ITIH5: variants seen among roughly 807,000 people sequenced by gnomAD.
ITIH5 encodes inter-alpha-trypsin inhibitor heavy chain 5.
In ITIH5, 65 loss-of-function variants were observed where a neutral mutation model predicts 77.5. The observed-to-expected ratio is 0.84, with a 90% CI of 0.69 to 1.03. ITIH5 has a LOEUF of 1.03. Among genes scored for constraint, ITIH5 ranks in the 50% least tolerant of loss-of-function variants. The pLI, the probability that ITIH5 is intolerant of heterozygous loss-of-function variation, is 0.00. For synonymous variants in ITIH5, 525 were observed against 494.3 expected (o/e 1.06, Z -0.82); for missense variants, 1,208 against 1,213.1 (o/e 1.00, Z 0.06).
intron 13 of ITIH5, among the ~76,000 whole-genome samples, chr10:7,564,674 C>CG (rs1832103899): frequency 6.6e-6 from 1 of 151,672 alleles, no homozygotes; most frequent in Non-Finnish European, 1.5e-5. Context: ...AATCACCTAA[C>CG]GACCATTAGA....
intron 7 of ITIH5, among the ~76,000 whole-genome samples, chr10:7,614,462 T>C (rs1318323258): frequency 6.6e-6 from 1 of 152,158 alleles, no homozygotes; most frequent in Non-Finnish European, 1.5e-5. Context: ...TCTTAAAACA[T>C]CGTGAGATTT....
chr10:7,593,335 T>C (rs1012064462), intron 7 of ITIH5, among the ~76,000 whole-genome samples: 2 of 150,702 alleles, frequency 1.3e-5, no homozygotes, highest in African/African-American at 4.9e-5. Context: ...AGGCACTGAC[T>C]CCTACAGACT....
At chr10:7,635,702 T>C (rs1833787944) in intron 5 of ITIH5, among the ~76,000 whole-genome samples, 1 of 152,094 alleles carries the variant, frequency 6.6e-6, no homozygotes, top group African/African-American at 2.4e-5. Context: ...AACTGCATGC[T>C]GGGGGAGAAA....
intron 7 of ITIH5, among the ~76,000 whole-genome samples, chr10:7,599,073 T>C (rs1832964184): frequency 6.6e-6 from 1 of 152,254 alleles, no homozygotes; most frequent in African/African-American, 2.4e-5. Flanking sequence ...AAAAGCTCTT[T>C]GCCAATAATA....
Position 7,641,996 on chromosome 10 carries a change from G to A in ITIH5, c.230C>T (p.Ala77Val), listed in dbSNP as rs1167729456. Residue 77 changes from alanine to valine, a missense_variant, in exon 3 of 14, where the codon GCT becomes GTT. Ala to Val is a moderately conservative substitution (Grantham distance 64, BLOSUM62 0). Transcript: ENST00000397146. ...GAACTCAATGTCCTGGTCTTCAGAA[G>A]CTCTGTTCAGCATTCTGCAGGAAAC... The part of the protein sequence containing the change: ...TTVSCRMLNR[A>V]SEDQDIEFQM... 2 of 1,614,026 alleles carry A rather than the reference G, an allele frequency of 1.2e-6. No homozygotes were observed. The highest frequency in any genetic ancestry group is 1.7e-6 in the Non-Finnish European group (2 of 1,179,874).
At chr10:7,660,380 A>G (rs7094085) in intron 1 of ITIH5, among the ~76,000 whole-genome samples, 20,530 of 151,804 alleles carry the variant, frequency 0.14, 1,513 homozygotes, top group East Asian at 0.31. Context: ...CAGGTTCAAC[A>G]CAGGAACAAT....
intron 8 of ITIH5, among the ~76,000 whole-genome samples, chr10:7,583,140 T>C (rs984222699): frequency 2.0e-5 from 3 of 152,034 alleles, no homozygotes; most frequent in Non-Finnish European, 4.4e-5. Flanking sequence ...AAATTAAAAA[T>C]TAAAATTAAA....
At chr10:7,581,922 G>C (rs1365712037) in intron 8 of ITIH5, among the ~76,000 whole-genome samples, 2 of 143,124 alleles carry the variant, frequency 1.4e-5, no homozygotes, top group African/African-American at 2.6e-5. Context: ...TTCGCCCAAG[G>C]TGGAATGCAG....
rs1377527443 is a variant in ITIH5, at chr10:7,640,798, A to G, written c.357T>C (p.Gly119=). 3.7e-6 allele frequency: 6 copies of G among 1,613,182 alleles called. No individual in the cohort carries two copies. The highest frequency in any genetic ancestry group is 1.3e-5 in the African/African-American group (1 of 74,882). ...GEITEREKKS[G]DRVKEKRNKT... is the part of the protein sequence containing the mutation. ...TATTCCTTTTCTCTTTTACCCTATC[A>G]CCACTCTTCTTTTCTCTCTCTGTAA... The change falls in exon 4 of 14, where the codon GGT becomes GGC. Residue 119 remains glycine, a synonymous_variant. Coordinates refer to ENST00000397146, the MANE Select transcript of ITIH5 (RefSeq NM_030569.7).
chr10:7,587,050 G>A (rs886443612), intron 7 of ITIH5, among the ~76,000 whole-genome samples: 22 of 152,032 alleles, frequency 1.4e-4, no homozygotes, highest in Non-Finnish European at 2.6e-4. Flanking sequence ...GGGTGGTCTC[G>A]AACTCCTGAG....
At chr10:7,630,114 GT>G (rs1219602766) in intron 5 of ITIH5, among the ~76,000 whole-genome samples, 1 of 152,190 alleles carries the variant, frequency 6.6e-6, no homozygotes, top group Non-Finnish European at 1.5e-5. Context: ...CTCAACAGGT[GT>G]AGTCGTATGA....
At chr10:7,580,143 C>T (rs12250091) in intron 8 of ITIH5, 79 bp from the exon 9 acceptor site, 210,112 of 1,245,918 alleles carry the variant, frequency 0.17, 19,188 homozygotes, top group Admixed American at 0.25. Flanking sequence ...TTTTTTGAGA[C>T]GGAGTCTTGC....
At position 7,597,063 on chromosome 10, in the gene ITIH5, A is replaced by AAAAAAAAAAT. The variant is rs750714870; in HGVS notation, c.940-10995_940-10994insATTTTTTTTT. Among the ~76,000 whole-genome samples, 347 of 142,604 alleles carry AAAAAAAAAAT rather than the reference A, an allele frequency of 2.4e-3. 12 individuals carry two copies. Among genetic ancestry groups the AAAAAAAAAAT allele is most frequent in the Middle Eastern group, 4.5e-3 (1 of 220 alleles). 93.6% of individuals were successfully genotyped at this position (142,604 alleles called of 152,430 possible). ...CCAACTCAAAAAAAAAAAAAAAAAAAATTCCACCAAAGAAATCAAAGACCT... is the reference window on the plus strand; with the variant it reads ...CCAACTCAAAAAAAAAAAAAAAAAAAAAAAAAAAATATTCCACCAAAGAAATCAAAGACCT... On this transcript the variant is annotated intron_variant, in intron 7 of 13. Transcript: ENST00000397146.
chr10:7,655,246 C>A (rs376581978), intron 2 of ITIH5, among the ~76,000 whole-genome samples: 13 of 152,324 alleles, frequency 8.5e-5, no homozygotes, highest in African/African-American at 2.4e-4. Context: ...GCCTATCCAA[C>A]TTTCATCACG....
rs904485787 is a variant in ITIH5 at position 7,666,881 on chromosome 10, C to T, written c.12G>A (p.Leu4=). The part of the protein sequence containing the change: MLL[L]LGLCLGLSLC... ...GGGACAGCCCCAGGCACAGCCCCAGCAGCAGGAGCATGGCGGGGCGAGGGC... is the reference window on the plus strand; with the variant it reads ...GGGACAGCCCCAGGCACAGCCCCAGTAGCAGGAGCATGGCGGGGCGAGGGC... Residue 4 remains leucine (L), a synonymous_variant, in exon 1 of 14, where the codon CTG becomes CTA. Transcript: ENST00000397146. The T allele has an allele frequency of 1.9e-6, 3 of 1,593,778 alleles. No homozygotes were observed. The highest frequency in any genetic ancestry group is 2.6e-6 in the Non-Finnish European group (3 of 1,172,034).
At chr10:7,603,559 TCAA>T (rs1316030667) in intron 7 of ITIH5, among the ~76,000 whole-genome samples, 2 of 152,188 alleles carry the variant, frequency 1.3e-5, no homozygotes, top group Non-Finnish European at 1.5e-5. Context: ...GAATTCTATC[TCAA>T]CAACGCTGAT....
chr10:7,626,893 A>G (rs989748803), intron 5 of ITIH5, among the ~76,000 whole-genome samples: 1 of 152,220 alleles, frequency 6.6e-6, no homozygotes, highest in African/African-American at 2.4e-5. Context: ...CTTCATAACA[A>G]CATAAGTGCT....
chr10:7,624,424 T>C (rs1288939812), intron 5 of ITIH5, among the ~76,000 whole-genome samples: 1 of 151,860 alleles, frequency 6.6e-6, no homozygotes, highest in East Asian at 1.9e-4. Context: ...GGAGAATCAC[T>C]TGGACCCGGG....
At chr10:7,637,729 T>A (rs999734592) in intron 4 of ITIH5, among the ~76,000 whole-genome samples, 3 of 152,108 alleles carry the variant, frequency 2.0e-5, no homozygotes, top group Admixed American at 2.0e-4. Flanking sequence ...CTGTCCTACC[T>A]CTCCCTGAGA....
Sources: gnomAD v4.1 joint callset for allele counts (sites outside exome capture counted in the v4.1 genomes callset) on GRCh38, gnomAD v4.1.1 for gene constraint, MANE v1.5 for transcripts, NCBI Gene and HGNC (gene_info 2026-07-23, HGNC 2026-07-21) for gene names.